BAIAP2: variants seen among roughly 807,000 people sequenced by gnomAD.
The protein encoded by BAIAP2 is BAR/IMD domain-containing adapter protein 2.
BAIAP2 carries 18 observed loss-of-function variants against 63.0 expected under a neutral mutation model. The ratio of observed to expected loss-of-function variants is 0.29; its 90% CI spans 0.20 to 0.42. BAIAP2 has a LOEUF of 0.42. BAIAP2 is among the 10% of genes least tolerant of loss of function. BAIAP2 has a pLI of 1.00. For missense variants in BAIAP2, 610 were observed against 734.3 expected (o/e 0.83, Z 1.96); for synonymous variants, 386 against 307.6 (o/e 1.25, Z -2.67).
rs1268196210 is a variant in BAIAP2 at position 81,103,650 on chromosome 17, A to G, written c.791A>G (p.Asn264Ser). The G allele has an allele frequency of 3.1e-6, 5 of 1,604,230 alleles. No homozygotes were observed. The highest frequency in any genetic ancestry group is 4.2e-6 in the Non-Finnish European group (5 of 1,177,308). ...LPSALSASKS[N>S]LVISDPIPGA... is the part of the protein sequence containing the mutation. ...AGCGCCCTGTCGGCCTCCAAGTCCA[A>G]CCTGGTCATTTCCGACCCCATTCCG... Residue 264 changes from asparagine (N) to serine (S), a missense_variant, in exon 8 of 14, where the codon AAC becomes AGC. Transcript: ENST00000428708.
At chr17:81,072,242 G>C (rs565816346) in intron 3 of BAIAP2, among the ~76,000 whole-genome samples, 3 of 152,370 alleles carry the variant, frequency 2.0e-5, no homozygotes, top group African/African-American at 7.2e-5. Flanking sequence ...AGCGTTGGGA[G>C]ACCTGCGCAG....
At chr17:81,091,273 A>G (rs888353047) in intron 6 of BAIAP2, among the ~76,000 whole-genome samples, 3 of 146,836 alleles carry the variant, frequency 2.0e-5, no homozygotes, top group African/African-American at 2.5e-5. Flanking sequence ...CCTGGGGCCT[A>G]GGTTGTCAGC....
intron 13 of BAIAP2, among the ~76,000 whole-genome samples, chr17:81,110,750 C>T (rs571869049): frequency 1.3e-5 from 2 of 152,346 alleles, no homozygotes; most frequent in South Asian, 4.2e-4. Flanking sequence ...GAGGCAGGCT[C>T]CGCAGGCGCC....
chr17:81,112,168 C>T (rs1457046555), intron 13 of BAIAP2, among the ~76,000 whole-genome samples: 1 of 152,200 alleles, frequency 6.6e-6, no homozygotes, highest in Non-Finnish European at 1.5e-5. Context: ...CCCCCCACTC[C>T]CCCAGGTCCC....
chr17:81,066,897 T>A (rs529800729), intron 3 of BAIAP2, among the ~76,000 whole-genome samples: 1 of 152,332 alleles, frequency 6.6e-6, no homozygotes, highest in South Asian at 2.1e-4. Context: ...CAGCAGTGTA[T>A]GGGCATGACA....
intron 13 of BAIAP2, among the ~76,000 whole-genome samples, chr17:81,113,662 G>GCAGCCC (rs2060170152): frequency 1.4e-5 from 2 of 144,434 alleles, no homozygotes; most frequent in Non-Finnish European, 3.1e-5. Context: ...CACAGCATTT[G>GCAGCCC]CAGCCCCAGC....
At chr17:81,057,665 C>T (rs956872671) in intron 2 of BAIAP2, 26 of 1,348,918 alleles carry the variant, frequency 1.9e-5, no homozygotes, top group African/African-American at 1.3e-4. Flanking sequence ...TGTGTTCTTA[C>T]GAGTCAAGGG....
intron 3 of BAIAP2, 131 bp from the exon 4 acceptor site, chr17:81,084,701 C>G: frequency 1.2e-6 from 1 of 833,704 alleles, no homozygotes; most frequent in South Asian, 1.4e-5. Flanking sequence ...CCTTCTGGCC[C>G]TGACACCCCG....
chr17:81,099,839 C>G (rs1056780703), intron 6 of BAIAP2, 89 bp from the exon 7 acceptor site: 2 of 1,458,470 alleles, frequency 1.4e-6, no homozygotes, highest in Non-Finnish European at 1.9e-6. Context: ...GAGACGTGTC[C>G]TTTGACTGAG....
chr17:81,051,267 G>A (rs1181610838), intron 1 of BAIAP2, among the ~76,000 whole-genome samples: 1 of 152,188 alleles, frequency 6.6e-6, no homozygotes, highest in African/African-American at 2.4e-5. Context: ...GGCCTGCGTA[G>A]CACATGCCTC....
intron 6 of BAIAP2, chr17:81,086,846 A>C: frequency 2.5e-5 from 11 of 436,434 alleles, no homozygotes; most frequent in East Asian, 8.2e-5. Flanking sequence ...AGAAACCTAA[A>C]TGGAGTCCTC....
chr17:81,049,226 A>AG (rs1219969532), intron 1 of BAIAP2, among the ~76,000 whole-genome samples: 4 of 152,094 alleles, frequency 2.6e-5, no homozygotes, highest in Non-Finnish European at 5.9e-5. Context: ...CTGTCCTGGC[A>AG]GGGGGGCATG....
chr17:81,108,137 G>C, intron 12 of BAIAP2: 1 of 411,904 alleles, frequency 2.4e-6, no homozygotes, highest in Non-Finnish European at 4.4e-6. Context: ...GGTGCTGCAG[G>C]TGCCCTGCGG....
chr17:81,095,182 G>C (rs868430421), intron 6 of BAIAP2, among the ~76,000 whole-genome samples: 1 of 152,098 alleles, frequency 6.6e-6, no homozygotes, highest in Non-Finnish European at 1.5e-5. Flanking sequence ...GCTCAGCGGC[G>C]GGCGGGGACT....
chr17:81,099,101 C>T (rs897063787), intron 6 of BAIAP2, among the ~76,000 whole-genome samples: 3 of 151,702 alleles, frequency 2.0e-5, no homozygotes, highest in African/African-American at 7.3e-5. Context: ...GGCCCCTCAC[C>T]TGGGCACACC....
intron 10 of BAIAP2, chr17:81,105,830 A>C: frequency 2.3e-6 from 1 of 438,382 alleles, no homozygotes. Context: ...GGGGCCTTGC[A>C]GTTGGGTCTG....
At chr17:81,110,601 C>T in intron 13 of BAIAP2, 1 of 1,235,524 alleles carries the variant, frequency 8.1e-7, no homozygotes, top group Non-Finnish European at 1.0e-6. Context: ...CAGGTATTTT[C>T]TCGGCACTCA....
In BAIAP2 at chr17:81,116,999, C is replaced by CAGAA. The variant is rs2060567501; in HGVS notation, c.*1161_*1164dup. On this transcript the variant is annotated 3_prime_UTR_variant, in exon 14 of 14. Transcript: ENST00000428708. ...CCCAGGGACAGACAGACATTGCCCT[C>CAGAA]AGAAGGGCAGGGAGGAGGCTGTCCT... is the stretch of plus-strand genomic sequence containing the variant. 1 of 152,522 alleles carries CAGAA rather than the reference C, an allele frequency of 6.6e-6. No homozygotes were observed. Among genetic ancestry groups the CAGAA allele is most frequent in the South Asian group, 2.1e-4 (1 of 4,838 alleles). 9.4% of individuals were successfully genotyped at this position (152,522 alleles called of 1,614,324 possible).
Position 81,116,525 on chromosome 17 carries a change from CGCTCCTG to C in BAIAP2, c.*687_*693del. 3.2e-6 allele frequency: 2 copies of C among 625,464 alleles called. No homozygotes were observed. Among genetic ancestry groups the C allele is most frequent in the South Asian group, 4.0e-5 (2 of 49,818 alleles). The allele number at this position is 625,464 out of a possible 1,614,324, so 38.7% of individuals were successfully genotyped here. On this transcript the variant is annotated 3_prime_UTR_variant, in exon 14 of 14. Coordinates refer to ENST00000428708, the MANE Select transcript of BAIAP2 (RefSeq NM_001144888.2). ...ACCTTGCTGCCAGGGCCTCCCAGCT[CGCTCCTG>C]CGGCCAAAGGCCAGCTGTCAGGTGC...
Sources: gnomAD v4.1 joint callset for allele counts (sites outside exome capture counted in the v4.1 genomes callset) on GRCh38, gnomAD v4.1.1 for gene constraint, MANE v1.5 for transcripts, NCBI Gene and HGNC (gene_info 2026-07-23, HGNC 2026-07-21) for gene names.